Variants in CIMIP7 observed in about 807,000 individuals in gnomAD.
CIMIP7 encodes the protein uncharacterized protein C3orf84.
At chr3:49,183,146 G>A in the CIMIP7 span, among the ~76,000 whole-genome samples, 1 of 152,204 alleles carries the variant, frequency 6.6e-6, no homozygotes, top group African/African-American at 2.4e-5. Flanking sequence ...GCAAGCAAGG[G>A]CTGTGAGGGC....
the CIMIP7 span, among the ~76,000 whole-genome samples, chr3:49,186,398 T>C: frequency 2.3e-4 from 34 of 150,488 alleles, 1 homozygote; most frequent in South Asian, 6.7e-3. Context: ...CCACCACACC[T>C]GGCTAATTTT....
the CIMIP7 span, chr3:49,191,779 AGAAG>A: frequency 6.4e-7 from 1 of 1,553,788 alleles, no homozygotes; most frequent in Non-Finnish European, 8.6e-7. Context: ...CATCTTTCCA[AGAAG>A]GGAGCAGAAA....
chr3:49,181,330 A>T, the CIMIP7 span, among the ~76,000 whole-genome samples: 1 of 127,030 alleles, frequency 7.9e-6, no homozygotes, highest in Non-Finnish European at 1.6e-5. Context: ...CAACAGAGAG[A>T]CTCTATCTCC....
chr3:49,184,681 T>C, the CIMIP7 span, among the ~76,000 whole-genome samples: 239 of 147,896 alleles, frequency 1.6e-3, no homozygotes, highest in Admixed American at 3.3e-3. Context: ...TAGGCCGGAG[T>C]GCAGTGGCGT....
At chr3:49,189,761 C>G in the CIMIP7 span, 4 of 587,722 alleles carry the variant, frequency 6.8e-6, no homozygotes, top group Middle Eastern at 5.1e-4. Context: ...TCTAGAGGCT[C>G]TTTGCCTGTA....
chr3:49,177,799 TG>T, the CIMIP7 span: 3 of 1,612,186 alleles, frequency 1.9e-6, no homozygotes, highest in Non-Finnish European at 2.5e-6. Flanking sequence ...GTGGCCACCC[TG>T]GGATGGGCAG....
chr3:49,185,981 G>A, the CIMIP7 span, among the ~76,000 whole-genome samples: 9 of 150,666 alleles, frequency 6.0e-5, no homozygotes, highest in Admixed American at 2.7e-4. Context: ...CACCGCGCCC[G>A]GCTATAATTT....
chr3:49,178,105 T>C, the CIMIP7 span: 9 of 1,487,250 alleles, frequency 6.1e-6, no homozygotes, highest in South Asian at 1.1e-4. Flanking sequence ...AGCACCTTCT[T>C]GGGCCCCTCC....
At chr3:49,185,176 A>T in the CIMIP7 span, among the ~76,000 whole-genome samples, 1 of 149,178 alleles carries the variant, frequency 6.7e-6, no homozygotes, top group South Asian at 2.1e-4. Context: ...CAGGAGAGTC[A>T]CTTGAACCCG....
chr3:49,191,841 A>C, the CIMIP7 span: 1 of 1,461,674 alleles, frequency 6.8e-7, no homozygotes, highest in Non-Finnish European at 9.3e-7. Flanking sequence ...AGGAAAGAGA[A>C]TCTCTGGAGG....
the CIMIP7 span, chr3:49,191,559 G>A: frequency 2.4e-5 from 17 of 712,862 alleles, no homozygotes; most frequent in African/African-American, 2.8e-4. Flanking sequence ...AGGGGGCAAA[G>A]TGTTAGGAAG....
the CIMIP7 span, among the ~76,000 whole-genome samples, chr3:49,182,707 G>A: frequency 2.0e-5 from 3 of 152,212 alleles, no homozygotes; most frequent in African/African-American, 4.8e-5. Flanking sequence ...GGATGCCATG[G>A]AGCAGGGGGC....
chr3:49,180,629 G>A, the CIMIP7 span, among the ~76,000 whole-genome samples: 4 of 151,508 alleles, frequency 2.6e-5, no homozygotes, highest in East Asian at 1.9e-4. Flanking sequence ...TTGTATGTGT[G>A]TTTAAGAGTT....
chr3:49,185,740 G>A, the CIMIP7 span, among the ~76,000 whole-genome samples: 1 of 151,114 alleles, frequency 6.6e-6, no homozygotes, highest in South Asian at 2.1e-4. Flanking sequence ...GCCTGGGCTG[G>A]AGTACAGTGG....
At chr3:49,184,930 A>C in the CIMIP7 span, among the ~76,000 whole-genome samples, 1 of 151,818 alleles carries the variant, frequency 6.6e-6, no homozygotes, top group South Asian at 2.1e-4. Flanking sequence ...CGCCCGACCT[A>C]TAACATTTTT....
chr3:49,178,617 G>C, the CIMIP7 span: 1 of 1,280,882 alleles, frequency 7.8e-7, no homozygotes, highest in Admixed American at 1.9e-5. Context: ...ACTGCCTCAG[G>C]GTCCTTAATG....
chr3:49,178,584 A>C, the CIMIP7 span: 10 of 1,542,908 alleles, frequency 6.5e-6, no homozygotes, highest in East Asian at 2.2e-4. Context: ...AATGATGCTT[A>C]TTTACCCACC....
At chr3:49,190,874 G>A in the CIMIP7 span, among the ~76,000 whole-genome samples, 1 of 151,826 alleles carries the variant, frequency 6.6e-6, no homozygotes, top group Non-Finnish European at 1.5e-5. Context: ...TCACCATGTT[G>A]GCCAGGCTGG....
chr3:49,185,418 T>C, the CIMIP7 span, among the ~76,000 whole-genome samples: 2 of 149,962 alleles, frequency 1.3e-5, no homozygotes, highest in African/African-American at 4.9e-5. Flanking sequence ...TAAAAAAAAT[T>C]AGCTGGACAC....
Sources: gnomAD v4.1 joint callset for allele counts (sites outside exome capture counted in the v4.1 genomes callset) on GRCh38, gnomAD v4.1.1 for gene constraint, MANE v1.5 for transcripts, NCBI Gene and HGNC (gene_info 2026-07-23, HGNC 2026-07-21) for gene names.